NELFB: variants seen among roughly 807,000 people sequenced by gnomAD.
NELFB encodes the protein negative elongation factor B.
NELFB carries 34 observed loss-of-function variants against 60.2 expected under a neutral mutation model. That is an observed-to-expected ratio of 0.56 (90% CI 0.43 to 0.75). The LOEUF (loss-of-function observed/expected upper bound fraction) is 0.75, where lower values mean the gene tolerates loss of function less well. NELFB is among the 30% of genes least tolerant of loss of function. The pLI is 0.00. For synonymous variants in NELFB, 459 were observed against 382.1 expected (o/e 1.20, Z -2.35); for missense variants, 770 against 831.6 (o/e 0.93, Z 0.91).
rs1439180192 is a variant in NELFB, at chr9:137,255,545, C to T, written c.180C>T (p.Asn60=). ...GGCTGCAGGACCTGGGCGTGGCCAA[C>T]GGCGAGGACCTGAAGGAGACCCTGA... is the stretch of plus-strand genomic sequence containing the variant. Residue 60 remains asparagine, a synonymous_variant, in exon 1 of 13, where the codon AAC becomes AAT. Transcript: ENST00000343053. 1.3e-6 allele frequency: 2 copies of T among 1,547,208 alleles called. No individual in the cohort carries two copies. The highest frequency in any genetic ancestry group is 4.9e-5 in the East Asian group (2 of 40,492).
rs1330187252 is a variant in NELFB, at chr9:137,255,542, C to G, written c.177C>G (p.Ala59=). 4 of 1,546,994 alleles carry G rather than the reference C, an allele frequency of 2.6e-6. No individual in the cohort carries two copies. The Admixed American group carries it at 5.9e-5, about 23-fold the overall frequency. Reference sequence around the variant, plus strand: ...CGGGGCTGCAGGACCTGGGCGTGGCCAACGGCGAGGACCTGAAGGAGACCC... The same window carrying G: ...CGGGGCTGCAGGACCTGGGCGTGGCGAACGGCGAGGACCTGAAGGAGACCC... Residue 59 remains alanine, a synonymous_variant, in exon 1 of 13, where the codon GCC becomes GCG. Transcript: ENST00000343053.
intron 6 of NELFB, 40 bp downstream of exon 6, chr9:137,264,397 C>G: frequency 7.0e-7 from 1 of 1,429,660 alleles, no homozygotes; most frequent in Non-Finnish European, 9.6e-7. Flanking sequence ...CCTCAGGGCC[C>G]TGCGTGCATC....
At chr9:137,257,504 C>CTTT (rs56957141) in intron 4 of NELFB, among the ~76,000 whole-genome samples, 1 of 121,316 alleles carries the variant, frequency 8.2e-6, no homozygotes, top group Non-Finnish European at 1.7e-5. Context: ...TTTTCTTTTT[C>CTTT]TTTTTTTTTT....
chr9:137,273,003 C>G lies in NELFB; in HGVS notation c.*75C>G. On this transcript the variant is annotated 3_prime_UTR_variant, in exon 13 of 13. Coordinates refer to ENST00000343053, the MANE Select transcript of NELFB (RefSeq NM_015456.5). ...TGCTCAGCCGGAAGAGGCTCCCGGA[C>G]CTGGATGTACAGGGCAGTCTCTCTT... 11 of 1,410,528 alleles carry G rather than the reference C, an allele frequency of 7.8e-6. No homozygotes were observed. The highest frequency in any genetic ancestry group is 1.0e-5 in the Non-Finnish European group (11 of 1,064,358). 87.4% of individuals were successfully genotyped at this position (1,410,528 alleles called of 1,614,324 possible). A position where few individuals can be genotyped will look rare whatever the true frequency, so the allele number is the denominator to read the frequency against.
chr9:137,268,212 G>T (rs75048142), intron 10 of NELFB, among the ~76,000 whole-genome samples: 2,685 of 152,074 alleles, frequency 0.018, 83 homozygotes, highest in East Asian at 0.14. Flanking sequence ...CTTCCTTGCT[G>T]ACTCAGGCCT....
chr9:137,273,032 G>A lies in NELFB; in HGVS notation c.*104G>A, dbSNP rs1036820667. ...GATGTACAGGGCAGTCTCTCTTCCC[G>A]GGGCTATGGCTGGGCCTGTCCTGCC... On this transcript the variant is annotated 3_prime_UTR_variant, in exon 13 of 13. Transcript: ENST00000343053. 2.0e-5 allele frequency: 26 copies of A among 1,288,142 alleles called. No individual in the cohort carries two copies. Among genetic ancestry groups the A allele is most frequent in the Middle Eastern group, 2.8e-4 (1 of 3,606 alleles). 79.8% of individuals were successfully genotyped at this position (1,288,142 alleles called of 1,614,324 possible).
intron 4 of NELFB, among the ~76,000 whole-genome samples, chr9:137,261,061 A>T (rs1564442786): frequency 2.8e-5 from 4 of 141,316 alleles, no homozygotes; most frequent in Admixed American, 7.1e-5. Flanking sequence ...CAAAAAAAAA[A>T]GCTGGGCGCA....
rs1830561244 is a variant in NELFB, at chr9:137,269,831, G to T, written c.1490-2250G>T. On this transcript the variant is annotated intron_variant, in intron 10 of 12. Transcript: ENST00000343053. The surrounding 1 kb of genome is among the most constrained non-coding windows in gnomAD (Gnocchi z 5.3). ...GCTAGAAACAGGCTGGGAACCAGGAGTGCAGCTTCTCGGAGTACGTGGCTG... is the reference window on the plus strand; with the variant it reads ...GCTAGAAACAGGCTGGGAACCAGGATTGCAGCTTCTCGGAGTACGTGGCTG... Among the ~76,000 whole-genome samples the T allele has an allele frequency of 6.6e-6, 1 of 152,226 alleles. No individual in the cohort carries two copies. The highest frequency in any genetic ancestry group is 1.5e-5 in the Non-Finnish European group (1 of 68,044).
rs754623521 is a variant in NELFB at position 137,272,622 on chromosome 9, G to T, written c.1740+7G>T. ...CCTGGAGCCTACAGGCCAGGTGGGT[G>T]CCCGGGGGGGCTGCATCTGAAGGCA... On this transcript the variant is annotated splice_region_variant and intron_variant, in intron 12 of 12. Transcript: ENST00000343053. 4 of 1,580,240 alleles carry T rather than the reference G, an allele frequency of 2.5e-6. No homozygotes were observed. In the African/African-American group the frequency reaches 4.1e-5, roughly 16 times the overall value.
rs555197910 is a variant in NELFB at position 137,272,049 on chromosome 9, T to C, written c.1490-32T>C. 652 of 1,613,092 alleles carry C rather than the reference T, an allele frequency of 4.0e-4. 9 individuals carry two copies. The South Asian group carries it at 6.7e-3, about 17-fold the overall frequency. On this transcript the variant is annotated intron_variant, in intron 10 of 12. Coordinates refer to ENST00000343053, the MANE Select transcript of NELFB (RefSeq NM_015456.5). ...TGCCCTCTGGGGTGGGCAGGGTGAG[T>C]GGCACTGGGCTGATGCCTGCTGTGT... is the stretch of plus-strand genomic sequence containing the variant.
chr9:137,256,211 G>T, intron 2 of NELFB, 118 bp from the exon 3 acceptor site: 2 of 1,340,480 alleles, frequency 1.5e-6, no homozygotes, highest in South Asian at 2.5e-5. Context: ...GTGACCCCTT[G>T]ACCCATGTGT....
intron 3 of NELFB, among the ~76,000 whole-genome samples, 188 bp from the exon 4 acceptor site, chr9:137,256,636 C>T (rs1349452572): frequency 1.3e-5 from 2 of 152,192 alleles, no homozygotes; most frequent in Non-Finnish European, 2.9e-5. Context: ...TGGGGCCCCT[C>T]CTGGGAAAGA....
chr9:137,266,269 G>C, intron 7 of NELFB, 62 bp from the exon 8 acceptor site: 3 of 1,445,158 alleles, frequency 2.1e-6, no homozygotes, highest in South Asian at 1.2e-5. Flanking sequence ...AGTAGGGTCA[G>C]AGGAGCTCCA....
chr9:137,267,464 T>C (rs2118987336), intron 10 of NELFB, 118 bp downstream of exon 10: 2 of 666,722 alleles, frequency 3.0e-6, no homozygotes, highest in Non-Finnish European at 2.5e-6. Context: ...CCAGCCCACC[T>C]CCAACTTTGC....
chr9:137,258,118 G>T (rs28748296), intron 4 of NELFB, among the ~76,000 whole-genome samples: 1 of 84,456 alleles, frequency 1.2e-5, no homozygotes, highest in African/African-American at 4.8e-5. Context: ...ATTTGTTGGG[G>T]TTTTTTTTTT....
chr9:137,257,156 T>G, intron 4 of NELFB, 102 bp downstream of exon 4: 8 of 1,010,562 alleles, frequency 7.9e-6, no homozygotes, highest in Non-Finnish European at 1.2e-5. Flanking sequence ...CTGTGAATGA[T>G]CGGGTGGTTC....
rs186240722 is a variant in NELFB at position 137,271,545 on chromosome 9, C to T, written c.1490-536C>T. ...GTCGCACGTGAGGCGTCTGTGGGCA[C>T]GAATGCTGTCTTTGTTGTGTTTTGG... is the stretch of plus-strand genomic sequence containing the variant. On this transcript the variant is annotated intron_variant, in intron 10 of 12. Transcript: ENST00000343053. Among the ~76,000 whole-genome samples, 41 of 152,364 alleles carry T rather than the reference C, an allele frequency of 2.7e-4. No individual in the cohort carries two copies. The East Asian group carries it at 5.4e-3, about 20-fold the overall frequency.
chr9:137,267,167 G>T (rs1243771375), intron 9 of NELFB, 73 bp from the exon 10 acceptor site: 1 of 1,611,684 alleles, frequency 6.2e-7, no homozygotes, highest in East Asian at 2.2e-5. Flanking sequence ...CTCAGGGCTG[G>T]GCAGGGGTCG....
chr9:137,257,448 G>T (rs965065178), intron 4 of NELFB, among the ~76,000 whole-genome samples: 4 of 150,056 alleles, frequency 2.7e-5, no homozygotes, highest in African/African-American at 9.9e-5. Context: ...TCAGTCTCCC[G>T]AGTAGCTGGG....
Sources: allele counts gnomAD v4.1 joint callset (sites outside exome capture counted in the v4.1 genomes callset), GRCh38; gene constraint gnomAD v4.1.1; non-coding constraint Gnocchi (gnomAD v3.1); transcripts MANE v1.5; gene names NCBI Gene and HGNC (gene_info 2026-07-23, HGNC 2026-07-21).